The following CASQ2 variants were observed in gnomAD, a reference collection of about 807,000 sequenced individuals.
The protein encoded by CASQ2 is calsequestrin 2.
In CASQ2, 49 loss-of-function variants were observed where a neutral mutation model predicts 46.5. That is an observed-to-expected ratio of 1.05 (90% CI 0.84 to 1.34). The LOEUF is 1.34. Among genes scored for constraint, CASQ2 ranks in the 40% most tolerant of loss-of-function variants. CASQ2 has a pLI of 0.00. For missense variants in CASQ2, 486 were observed against 481.3 expected (o/e 1.01, Z -0.09); for synonymous variants, 174 against 168.5 (o/e 1.03, Z -0.25).
intron 8 of CASQ2, among the ~76,000 whole-genome samples, chr1:115,717,094 C>G (rs1253507946): frequency 6.6e-6 from 1 of 152,192 alleles, no homozygotes; most frequent in African/African-American, 2.4e-5. Flanking sequence ...TGTGAGATGT[C>G]TGCTCCCGCT....
intron 1 of CASQ2, among the ~76,000 whole-genome samples, chr1:115,747,240 C>A (rs1648420567): frequency 6.6e-6 from 1 of 152,140 alleles, no homozygotes; most frequent in Non-Finnish European, 1.5e-5. Flanking sequence ...TGTCTTTCAT[C>A]CATTCAATTG....
chr1:115,711,134 G>A (rs1466808988), intron 8 of CASQ2, among the ~76,000 whole-genome samples: 1 of 152,198 alleles, frequency 6.6e-6, no homozygotes, highest in Non-Finnish European at 1.5e-5. Flanking sequence ...GGGGGAGCTG[G>A]CTGTGCTCAC....
chr1:115,706,215 C>T (rs112359917), intron 8 of CASQ2, among the ~76,000 whole-genome samples: 1 of 151,996 alleles, frequency 6.6e-6, no homozygotes, highest in Non-Finnish European at 1.5e-5. Flanking sequence ...TGCACGCGTG[C>T]ATGTGCAGAA....
At chr1:115,731,247 A>G (rs1224178733) in intron 5 of CASQ2, among the ~76,000 whole-genome samples, 1 of 152,188 alleles carries the variant, frequency 6.6e-6, no homozygotes, top group Non-Finnish European at 1.5e-5. Context: ...GAAGCTATAC[A>G]GTTGCACTAG....
intron 1 of CASQ2, among the ~76,000 whole-genome samples, chr1:115,752,512 AG>A (rs201971128): frequency 0.015 from 2,264 of 152,268 alleles, 69 homozygotes; most frequent in African/African-American, 0.051. Flanking sequence ...TAGAACTTGG[AG>A]GAGGAGTGTG....
chr1:115,727,823 C>T (rs1376483391), intron 5 of CASQ2, among the ~76,000 whole-genome samples: 2 of 152,204 alleles, frequency 1.3e-5, no homozygotes, highest in Non-Finnish European at 2.9e-5. Context: ...ATGATTTGCT[C>T]ATCTTACAAC....
At chr1:115,737,275 T>C (rs1385077785) in intron 4 of CASQ2, among the ~76,000 whole-genome samples, 1 of 151,944 alleles carries the variant, frequency 6.6e-6, no homozygotes, top group Non-Finnish European at 1.5e-5. Flanking sequence ...GAAAAGAGGG[T>C]TAAGTTGGGG....
At chr1:115,705,475 A>C (rs1262682228) in intron 8 of CASQ2, among the ~76,000 whole-genome samples, 183 bp from the exon 9 acceptor site, 1 of 152,214 alleles carries the variant, frequency 6.6e-6, no homozygotes, top group Non-Finnish European at 1.5e-5. Flanking sequence ...ATACAAAGGA[A>C]ACAATAAAAA....
chr1:115,707,939 G>A (rs1654411834), intron 8 of CASQ2, among the ~76,000 whole-genome samples: 1 of 152,236 alleles, frequency 6.6e-6, no homozygotes, highest in Admixed American at 6.5e-5. Context: ...GCAGGCACAA[G>A]TGTTGTGGAG....
At chr1:115,736,683 A>AT (rs373635089) in intron 4 of CASQ2, among the ~76,000 whole-genome samples, 6 of 152,188 alleles carry the variant, frequency 3.9e-5, no homozygotes, top group East Asian at 1.9e-4. Context: ...CTCATTCAAA[A>AT]TTTTTTTTAA....
chr1:115,747,876 T>C (rs1198088511), intron 1 of CASQ2, among the ~76,000 whole-genome samples: 3 of 152,232 alleles, frequency 2.0e-5, no homozygotes. Flanking sequence ...GGGATTTTTC[T>C]AGGTAGACAA....
In CASQ2 at chr1:115,700,947, A is replaced by G; in HGVS notation, c.*294T>C. On this transcript the variant is annotated 3_prime_UTR_variant, in exon 11 of 11. Transcript: ENST00000261448. ...TTGTTCACCCTAGACTGCCATGTTC[A>G]GGCACTGCCATGACCCTTGATGGTC... is the stretch of plus-strand genomic sequence containing the variant. 1.7e-6 allele frequency: 1 copy of G among 605,454 alleles called. No individual in the cohort carries two copies. Among genetic ancestry groups the G allele is most frequent in the Non-Finnish European group, 2.9e-6 (1 of 340,328 alleles). The allele number at this position is 605,454 out of a possible 1,614,324, so 37.5% of individuals were successfully genotyped here.
chr1:115,740,688 G>A, intron 3 of CASQ2, 40 bp downstream of exon 3: 1 of 1,238,740 alleles, frequency 8.1e-7, no homozygotes, highest in South Asian at 1.2e-5. Context: ...TATTTGAGGA[G>A]AGGCAGCTCC....
chr1:115,706,520 A>T (rs149223813), intron 8 of CASQ2, among the ~76,000 whole-genome samples: 195 of 152,232 alleles, frequency 1.3e-3, no homozygotes, highest in African/African-American at 4.6e-3. Context: ...ATCCCTTGGG[A>T]TAGTGGGGTT....
chr1:115,709,497 A>G (rs1654474357), intron 8 of CASQ2, among the ~76,000 whole-genome samples: 1 of 152,150 alleles, frequency 6.6e-6, no homozygotes, highest in South Asian at 2.1e-4. Context: ...CTGTATAGAG[A>G]AAAGGGGGAA....
chr1:115,727,086 C>A lies in CASQ2; in HGVS notation c.643G>T (p.Asp215Tyr). The A allele has an allele frequency of 6.2e-7, 1 of 1,613,238 alleles. No individual in the cohort carries two copies. The highest frequency in any genetic ancestry group is 1.1e-5 in the South Asian group (1 of 91,020). ...KKLSLKMNEV[D>Y]FYEPFMDEPI... ...TCATCCATAAATGGCTCATAGAAGTCAACCTCATTCATCTTCAAAGATAAT... is the reference window on the plus strand; with the variant it reads ...TCATCCATAAATGGCTCATAGAAGTAAACCTCATTCATCTTCAAAGATAAT... The change falls in exon 6 of 11, where the codon GAC becomes TAC. Residue 215 changes from aspartate to tyrosine, a missense_variant. By Grantham distance (160) the Asp-to-Tyr change is radical. Transcript: ENST00000261448.
At chr1:115,761,528 A>AG (rs57715007) in intron 1 of CASQ2, among the ~76,000 whole-genome samples, 3,420 of 78,588 alleles carry the variant, frequency 0.044, 365 homozygotes, top group East Asian at 0.11. Flanking sequence ...AAGAAGAAGA[A>AG]GAGTTCATAA....
intron 10 of CASQ2, among the ~76,000 whole-genome samples, chr1:115,701,904 T>G (rs115659786): frequency 1.7e-3 from 264 of 151,934 alleles, no homozygotes; most frequent in African/African-American, 6.1e-3. Context: ...AGAAAGACAT[T>G]GCTAACTGGC....
At chr1:115,741,603 T>C (rs2101096530) in intron 2 of CASQ2, among the ~76,000 whole-genome samples, 1 of 152,292 alleles carries the variant, frequency 6.6e-6, no homozygotes, top group South Asian at 2.1e-4. Flanking sequence ...CATTAATGTA[T>C]GTGGCCAGGA....
Sources: gnomAD v4.1 joint callset for allele counts (sites outside exome capture counted in the v4.1 genomes callset) on GRCh38, gnomAD v4.1.1 for gene constraint, MANE v1.5 for transcripts, NCBI Gene and HGNC (gene_info 2026-07-23, HGNC 2026-07-21) for gene names.